Variants in ADAMTSL3 observed in about 807,000 individuals in gnomAD.
ADAMTSL3 encodes ADAMTS like 3.
ADAMTSL3 carries 128 observed loss-of-function variants against 201.7 expected under a neutral mutation model. That is an observed-to-expected ratio of 0.63 (90% confidence interval 0.55 to 0.73). The LOEUF is 0.73. Among genes scored for constraint, ADAMTSL3 ranks in the 30% least tolerant of loss-of-function variants. The pLI, the probability that ADAMTSL3 is intolerant of heterozygous loss-of-function variation, is 0.00. For missense variants in ADAMTSL3, 1,990 were observed against 2,119.6 expected, an observed-to-expected ratio of 0.94 and a Z score of 1.20; for synonymous variants, 738 against 748.4, an observed-to-expected ratio of 0.99 and a Z score of 0.23.
At chr15:83,751,480 C>T (rs1224654473) in intron 3 of ADAMTSL3, among the ~76,000 whole-genome samples, 1 of 152,096 alleles carries the variant, frequency 6.6e-6, no homozygotes, top group East Asian at 1.9e-4. Context: ...AGCTTGTGGT[C>T]CAAGTAAGTC....
At chr15:83,906,824 T>C (rs1466499853) in intron 15 of ADAMTSL3, among the ~76,000 whole-genome samples, 1 of 152,184 alleles carries the variant, frequency 6.6e-6, no homozygotes, top group Middle Eastern at 3.2e-3. Flanking sequence ...CCTGCTTTTT[T>C]GCTCTTCCAC....
Position 83,837,649 on chromosome 15 carries a change from C to G in ADAMTSL3, c.601-440C>G, listed in dbSNP as rs151193867. ...TTTTAAAAAGCTGGGTGTTGGGGCA[C>G]AGGCCTGTGACTCAACCTCCCAGGC... On this transcript the variant is annotated intron_variant, in intron 6 of 29. Coordinates refer to ENST00000286744, the MANE Select transcript of ADAMTSL3 (RefSeq NM_207517.3). 7.4e-3 allele frequency among the ~76,000 whole-genome samples: 1,119 copies of G among 151,668 alleles called. 10 individuals carry two copies. The highest frequency in any genetic ancestry group is 9.8e-3 in the Non-Finnish European group (668 of 67,912).
intron 20 of ADAMTSL3, 99 bp downstream of exon 20, chr15:83,970,736 G>A (rs1189036459): frequency 2.1e-6 from 3 of 1,441,166 alleles, no homozygotes; most frequent in Non-Finnish European, 2.8e-6. Flanking sequence ...TCTAATCTGT[G>A]GGTAAGGCAA....
intron 8 of ADAMTSL3, among the ~76,000 whole-genome samples, chr15:83,865,086 A>G (rs2064946472): frequency 6.6e-6 from 1 of 152,162 alleles, no homozygotes; most frequent in South Asian, 2.1e-4. Flanking sequence ...AAGGAGAACT[A>G]CAAACCATTC....
chr15:83,826,271 A>G (rs1312287399), intron 6 of ADAMTSL3, among the ~76,000 whole-genome samples: 1 of 151,926 alleles, frequency 6.6e-6, no homozygotes, highest in African/African-American at 2.4e-5. Context: ...ATGTTCCACC[A>G]TGCTAGGATA....
chr15:83,741,947 G>T (rs2062461960), intron 3 of ADAMTSL3, among the ~76,000 whole-genome samples: 1 of 152,092 alleles, frequency 6.6e-6, no homozygotes, highest in African/African-American at 2.4e-5. Context: ...GGATGACAGG[G>T]TGAGACCCTG....
At chr15:83,921,378 G>A (rs114120539) in intron 16 of ADAMTSL3, among the ~76,000 whole-genome samples, 5,516 of 152,124 alleles carry the variant, frequency 0.036, 295 homozygotes, top group African/African-American at 0.12. Context: ...GATTTTTAAA[G>A]CAACATAATT....
At chr15:84,007,901 C>T (rs2067923819) in intron 23 of ADAMTSL3, among the ~76,000 whole-genome samples, 1 of 152,202 alleles carries the variant, frequency 6.6e-6, no homozygotes, top group Admixed American at 6.5e-5. Context: ...CTCCACTTCC[C>T]TCTCCAGCTA....
chr15:83,793,368 T>C (rs2063373118), intron 4 of ADAMTSL3, among the ~76,000 whole-genome samples: 1 of 152,232 alleles, frequency 6.6e-6, no homozygotes, highest in Non-Finnish European at 1.5e-5. Context: ...ATAATGGATA[T>C]GTTAGTTTGA....
At chr15:83,746,050 A>G (rs2062541662) in intron 3 of ADAMTSL3, among the ~76,000 whole-genome samples, 1 of 152,106 alleles carries the variant, frequency 6.6e-6, no homozygotes, top group Non-Finnish European at 1.5e-5. Context: ...TGCTCTCAAA[A>G]TCCAGGCTCC....
chr15:84,006,124 A>G (rs2067889863), intron 23 of ADAMTSL3, among the ~76,000 whole-genome samples: 1 of 152,230 alleles, frequency 6.6e-6, no homozygotes, highest in Admixed American at 6.5e-5. Flanking sequence ...TCATTATTCT[A>G]GTAGCTTTGA....
intron 17 of ADAMTSL3, among the ~76,000 whole-genome samples, chr15:83,932,744 G>A (rs907965507): frequency 3.9e-5 from 6 of 152,154 alleles, no homozygotes; most frequent in African/African-American, 1.4e-4. Context: ...AAGGAGGAAT[G>A]TATCTTCTAC....
chr15:84,002,936 C>CTTTTTTTTTTTTTTTTT (rs368176543), intron 23 of ADAMTSL3, among the ~76,000 whole-genome samples: 47 of 99,976 alleles, frequency 4.7e-4, no homozygotes, highest in South Asian at 1.1e-3. Flanking sequence ...CTTTTCTTTT[C>CTTTTTTTTTTTTTTTTT]TTTTTTTTTT....
At chr15:83,840,654 C>T (rs1253066648) in intron 7 of ADAMTSL3, among the ~76,000 whole-genome samples, 1 of 152,048 alleles carries the variant, frequency 6.6e-6, no homozygotes, top group Non-Finnish European at 1.5e-5. Context: ...AACAACAGTA[C>T]AAAGATAGAG....
At chr15:83,832,151 T>G (rs1169040935) in intron 6 of ADAMTSL3, among the ~76,000 whole-genome samples, 2 of 151,820 alleles carry the variant, frequency 1.3e-5, no homozygotes, top group African/African-American at 4.8e-5. Context: ...CTCAATTGAG[T>G]GAAATATAAA....
chr15:83,940,951 C>T (rs1191076661), intron 17 of ADAMTSL3, among the ~76,000 whole-genome samples: 19 of 152,088 alleles, frequency 1.2e-4, no homozygotes, highest in Admixed American at 1.1e-3. Context: ...TTTTGTAATT[C>T]CTTAGAAAGT....
In ADAMTSL3 at chr15:83,838,163, C is replaced by T. The variant is rs1238951787; in HGVS notation, c.675C>T (p.Ser225=). 1.2e-6 allele frequency: 2 copies of T among 1,613,122 alleles called. No homozygotes were observed. The highest frequency in any genetic ancestry group is 8.5e-7 in the Non-Finnish European group (1 of 1,179,640). ...GTGGAGTCTGTGCCGGCGATGGCTC[C>T]ACCTGCAGGCTTGTACGGGGACAAT... ...DNCGVCAGDG[S]TCRLVRGQSK... Residue 225 remains serine (S), a synonymous_variant, in exon 7 of 30, where the codon TCC becomes TCT. Transcript: ENST00000286744.
intron 15 of ADAMTSL3, among the ~76,000 whole-genome samples, chr15:83,907,462 G>C (rs1287194313): frequency 1.3e-5 from 2 of 152,204 alleles, no homozygotes; most frequent in Non-Finnish European, 2.9e-5. Flanking sequence ...GGAGTGCAGT[G>C]ATGTGATCTC....
At chr15:83,849,968 C>A (rs1435063403) in intron 7 of ADAMTSL3, among the ~76,000 whole-genome samples, 1 of 152,102 alleles carries the variant, frequency 6.6e-6, no homozygotes, top group East Asian at 1.9e-4. Context: ...CATAAAGAAT[C>A]TGTGCAATAT....
Sources: allele counts gnomAD v4.1 joint callset (sites outside exome capture counted in the v4.1 genomes callset), GRCh38; gene constraint gnomAD v4.1.1; transcripts MANE v1.5; gene names NCBI Gene and HGNC (gene_info 2026-07-23, HGNC 2026-07-21).